Variants in MLC1 observed in about 807,000 individuals in gnomAD.
The protein encoded by MLC1 is membrane protein MLC1.
A neutral mutation model predicts 44.7 loss-of-function variants in MLC1; 32 were observed. The ratio of observed to expected loss-of-function variants is 0.72; its 90% confidence interval spans 0.54 to 0.96. The LOEUF (loss-of-function observed/expected upper bound fraction) is 0.96, where lower values mean the gene tolerates loss of function less well. MLC1 is among the 40% of genes least tolerant of loss of function. MLC1 has a pLI of 0.00. For synonymous variants in MLC1, 190 were observed against 213.0 expected (o/e 0.89, Z 0.94); for missense variants, 459 against 492.2 (o/e 0.93, Z 0.64).
chr22:50,085,871 T>C (rs1342929813), upstream of MLC1: 2 of 152,398 alleles, frequency 1.3e-5, no homozygotes, highest in African/African-American at 4.8e-5. Flanking sequence ...GCAGCCCGGA[T>C]GGCTGGTGGG....
At chr22:50,072,311 C>A (rs1363957388) in intron 8 of MLC1, among the ~76,000 whole-genome samples, 1 of 152,236 alleles carries the variant, frequency 6.6e-6, no homozygotes, top group Non-Finnish European at 1.5e-5. Flanking sequence ...CAGCCCAGCC[C>A]CCAACTCCAG....
intron 7 of MLC1, 33 bp downstream of exon 7, chr22:50,076,808 G>C: frequency 6.2e-7 from 1 of 1,603,296 alleles, no homozygotes; most frequent in South Asian, 1.1e-5. Context: ...GACAGAGTAT[G>C]AGAGAAAAGA....
At chr22:50,077,290 C>T in intron 6 of MLC1, 111 bp downstream of exon 6, 2 of 973,704 alleles carry the variant, frequency 2.1e-6, no homozygotes, top group Non-Finnish European at 3.2e-6. Flanking sequence ...CATGGGAATG[C>T]CCTGGAGCAG....
chr22:50,070,712 G>A (rs1307575135), intron 8 of MLC1, 129 bp from the exon 9 acceptor site: 3 of 997,302 alleles, frequency 3.0e-6, no homozygotes. Flanking sequence ...GGGCAGGGGG[G>A]ATGGTGCAGT....
At chr22:50,080,929 G>A (rs1434457162) in intron 3 of MLC1, among the ~76,000 whole-genome samples, 1 of 151,588 alleles carries the variant, frequency 6.6e-6, no homozygotes, top group Non-Finnish European at 1.5e-5. Context: ...AGGCTGAGCT[G>A]GGAGGATCTC....
intron 5 of MLC1, among the ~76,000 whole-genome samples, chr22:50,078,733 T>C (rs1354645729): frequency 7.0e-6 from 1 of 143,150 alleles, no homozygotes; most frequent in East Asian, 2.1e-4. Context: ...AGCGAGACTG[T>C]CTCAAAAAAA....
intron 9 of MLC1, among the ~76,000 whole-genome samples, chr22:50,069,501 G>A (rs1201077926): frequency 6.6e-6 from 1 of 151,486 alleles, no homozygotes; most frequent in Non-Finnish European, 1.5e-5. Context: ...CAAAAACTAA[G>A]CGGGTGTGGT....
chr22:50,076,702 C>T, intron 7 of MLC1, 139 bp downstream of exon 7: 1 of 840,524 alleles, frequency 1.2e-6, no homozygotes, highest in South Asian at 1.4e-5. Flanking sequence ...CTAGAGTCTC[C>T]ACAGATGAGG....
At position 50,083,624 on chromosome 22, in the gene MLC1, G is replaced by T. The variant is rs1472178228; in HGVS notation, c.178-451C>A. Reference sequence around the variant, plus strand: ...CAGATCTGGAAGAAGATCCCTCCAGGCAGGGGCTCCAGGCCCAGGGGCTCC... The same window carrying T: ...CAGATCTGGAAGAAGATCCCTCCAGTCAGGGGCTCCAGGCCCAGGGGCTCC... On this transcript the variant is annotated intron_variant, in intron 2 of 11. Coordinates refer to ENST00000311597, the MANE Select transcript of MLC1 (RefSeq NM_015166.4). This position sits in a 1 kb window ranked among gnomAD's most constrained non-coding sequence, Gnocchi z 4.6. Among the ~76,000 whole-genome samples, 1 of 152,186 alleles carries T rather than the reference G, an allele frequency of 6.6e-6. No individual in the cohort carries two copies. The highest frequency in any genetic ancestry group is 6.5e-5 in the Admixed American group (1 of 15,288).
intron 10 of MLC1, among the ~76,000 whole-genome samples, chr22:50,066,078 TC>T (rs3830745): frequency 0.12 from 18,597 of 152,190 alleles, 1,274 homozygotes; most frequent in South Asian, 0.23. Flanking sequence ...GGCAGAAGCC[TC>T]CTCATCCCAG....
At chr22:50,081,061 A>T (rs1318235705) in intron 3 of MLC1, among the ~76,000 whole-genome samples, 1 of 22,980 alleles carries the variant, frequency 4.4e-5, no homozygotes, top group Non-Finnish European at 1.2e-4. Flanking sequence ...AAGAAAGAGG[A>T]GGTCTGGTGC....
At chr22:50,073,824 G>A (rs966293201) in intron 8 of MLC1, among the ~76,000 whole-genome samples, 1 of 152,180 alleles carries the variant, frequency 6.6e-6, no homozygotes, top group Non-Finnish European at 1.5e-5. Context: ...ATCTGCTGCA[G>A]TAACATTTAA....
intron 3 of MLC1, among the ~76,000 whole-genome samples, chr22:50,081,282 G>A (rs1602057022): frequency 6.6e-6 from 1 of 152,128 alleles, no homozygotes; most frequent in East Asian, 1.9e-4. Flanking sequence ...GGTGGAGGTT[G>A]CAGTGAGCAG....
Position 50,061,552 on chromosome 22 carries a change from G to A in MLC1, c.*31C>T, listed in dbSNP as rs758309611. On this transcript the variant is annotated 3_prime_UTR_variant, in exon 12 of 12. Coordinates refer to ENST00000311597, the MANE Select transcript of MLC1 (RefSeq NM_015166.4). ...CGTTTCCATGCTTGGGGCCAGGCTG[G>A]GCGCTGCCACCCGGTTTCCGCGTCT... 5.0e-6 allele frequency: 8 copies of A among 1,605,076 alleles called. No homozygotes were observed. In the South Asian group the frequency reaches 8.8e-5, roughly 18 times the overall value.
intron 4 of MLC1, 33 bp from the exon 5 acceptor site, chr22:50,080,052 T>C: frequency 6.6e-7 from 1 of 1,521,850 alleles, no homozygotes; most frequent in Non-Finnish European, 9.1e-7. Context: ...TTTTCCTTCT[T>C]TGAATAATAA....
intron 7 of MLC1, among the ~76,000 whole-genome samples, chr22:50,075,962 G>A (rs1329288820): frequency 6.6e-6 from 1 of 151,992 alleles, no homozygotes; most frequent in Non-Finnish European, 1.5e-5. Flanking sequence ...AGAATATGAA[G>A]GGCAACCCCC....
At chr22:50,069,087 C>T (rs920160254) in intron 9 of MLC1, among the ~76,000 whole-genome samples, 1 of 151,716 alleles carries the variant, frequency 6.6e-6, no homozygotes, top group Non-Finnish European at 1.5e-5. Context: ...AGTGCGGTGG[C>T]ACAATCTCTG....
chr22:50,078,365 T>C (rs758005365), intron 5 of MLC1, among the ~76,000 whole-genome samples: 6 of 152,162 alleles, frequency 3.9e-5, no homozygotes, highest in Non-Finnish European at 8.8e-5. Context: ...CCTCGAAATA[T>C]ATGATGTCAT....
At chr22:50,073,110 G>A (rs577003678) in intron 8 of MLC1, among the ~76,000 whole-genome samples, 106 of 152,128 alleles carry the variant, frequency 7.0e-4, no homozygotes, top group African/African-American at 2.1e-3. Context: ...CCGGGCAGGC[G>A]TGGGCCCCTT....
Sources: allele counts gnomAD v4.1 joint callset (sites outside exome capture counted in the v4.1 genomes callset), GRCh38; gene constraint gnomAD v4.1.1; non-coding constraint Gnocchi (gnomAD v3.1); transcripts MANE v1.5; gene names NCBI Gene and HGNC (gene_info 2026-07-23, HGNC 2026-07-21).